Variants in PRKAG3 observed in about 807,000 individuals in gnomAD.
PRKAG3 encodes the protein protein kinase AMP-activated non-catalytic subunit gamma 3.
In PRKAG3, 39 loss-of-function variants were observed where a neutral mutation model predicts 56.5. The ratio of observed to expected loss-of-function variants is 0.69; its 90% confidence interval spans 0.53 to 0.90. The LOEUF is 0.90. Among genes scored for constraint, PRKAG3 ranks in the 40% least tolerant of loss-of-function variants. The pLI is 0.00. For synonymous variants in PRKAG3, 243 were observed against 250.1 expected, an observed-to-expected ratio of 0.97 and a Z score of 0.27; for missense variants, 628 against 627.5, an observed-to-expected ratio of 1.00 and a Z score of -0.01.
In PRKAG3 at chr2:218,831,394, C is replaced by T. The variant is rs1369778433; in HGVS notation, c.34-19G>A. On this transcript the variant is annotated intron_variant, in intron 1 of 12. Transcript: ENST00000529249. ...AAGGGGTCTGTGGGGAGAAGAGTTTCTGAAGGAGTGGGGAAAGTGCCTTAC... is the reference window on the plus strand; with the variant it reads ...AAGGGGTCTGTGGGGAGAAGAGTTTTTGAAGGAGTGGGGAAAGTGCCTTAC... The T allele has an allele frequency of 1.9e-6, 3 of 1,593,208 alleles. No individual in the cohort carries two copies. The highest frequency in any genetic ancestry group is 2.6e-6 in the Non-Finnish European group (3 of 1,169,680).
intron 2 of PRKAG3, 24 bp from the exon 3 acceptor site, chr2:218,830,925 T>G (rs1199078359): frequency 6.2e-7 from 1 of 1,611,648 alleles, no homozygotes. Flanking sequence ...GGGGCCTGTT[T>G]GGTTAATAGG....
chr2:218,830,378 G>T (rs1272141503), exon 4 of PRKAG3: 1 of 1,606,828 alleles, frequency 6.2e-7, no homozygotes. Context: ...CCTGGACCGG[G>T]GACCTGTTTG....
intron 2 of PRKAG3, 47 bp from the exon 3 acceptor site, chr2:218,830,948 A>T: frequency 6.3e-7 from 1 of 1,580,654 alleles, no homozygotes; most frequent in Non-Finnish European, 8.7e-7. Flanking sequence ...GTAATGCATC[A>T]AAATCAATTC....
In PRKAG3 at chr2:218,823,691, G is replaced by A. The variant is rs970363651; in HGVS notation, c.*71C>T. 1.5e-5 allele frequency: 24 copies of A among 1,608,242 alleles called. No individual in the cohort carries two copies. The South Asian group carries it at 2.6e-4, about 18-fold the overall frequency. ...CAAATGGGGGTGGGGGAAGATGAAG[G>A]CTGAGTTCTCCAGTTCCCTTCATTG... On this transcript the variant is annotated 3_prime_UTR_variant, in exon 13 of 13. Coordinates refer to ENST00000529249, the Ensembl canonical transcript of PRKAG3.
exon 6 of PRKAG3, chr2:218,828,033 C>A: frequency 6.4e-7 from 1 of 1,566,564 alleles, no homozygotes; most frequent in East Asian, 2.4e-5. Flanking sequence ...CGATGCAGCA[C>A]CAGGATGAAG....
intron 10 of PRKAG3, among the ~76,000 whole-genome samples, chr2:218,826,104 T>C (rs1052348964): frequency 6.6e-6 from 1 of 152,156 alleles, no homozygotes; most frequent in Non-Finnish European, 1.5e-5. Flanking sequence ...TGTTTAGGGG[T>C]GAAATGACAT....
intron 10 of PRKAG3, 137 bp from the exon 11 acceptor site, chr2:218,824,713 TC>T: frequency 1.3e-6 from 1 of 780,272 alleles, no homozygotes; most frequent in Non-Finnish European, 2.3e-6. Context: ...AAACTTAGCA[TC>T]CCAGAGTGAG....
rs993275342 is a variant in PRKAG3 at position 218,823,659 on chromosome 2, G to A, written c.*103C>T. 38 of 1,597,380 alleles carry A rather than the reference G, an allele frequency of 2.4e-5. 1 individual carries two copies. Among genetic ancestry groups the A allele is most frequent in the Non-Finnish European group, 3.1e-5 (37 of 1,176,430 alleles). On this transcript the variant is annotated 3_prime_UTR_variant, in exon 13 of 13. Transcript: ENST00000529249. ...GGCAGAGCCTACCTGAATCATAGCT[G>A]AACCAGCAAATGGGGGTGGGGGAAG...
rs201053638 is a variant in PRKAG3 at position 218,824,201 on chromosome 2, T to C, written c.1353+21A>G. On this transcript the variant is annotated intron_variant, in intron 12 of 12. Transcript: ENST00000529249. Reference sequence around the variant, plus strand: ...GACTGGGCTATATGTGTTGGGGGCATGAATGGAGGGCACACGGTACCTGCT... The same window carrying C: ...GACTGGGCTATATGTGTTGGGGGCACGAATGGAGGGCACACGGTACCTGCT... 78 of 1,613,968 alleles carry C rather than the reference T, an allele frequency of 4.8e-5. 1 individual carries two copies. The East Asian group carries it at 1.7e-3, about 36-fold the overall frequency.
At chr2:218,828,475 C>A in intron 5 of PRKAG3, 44 bp downstream of exon 5, 1 of 1,550,698 alleles carries the variant, frequency 6.4e-7, no homozygotes, top group East Asian at 2.3e-5. Context: ...AAGATCTCCC[C>A]CTCACCTCCT....
intron 2 of PRKAG3, 131 bp downstream of exon 2, chr2:218,831,205 G>A: frequency 1.3e-6 from 1 of 760,304 alleles, no homozygotes; most frequent in Non-Finnish European, 2.1e-6. Context: ...AAAGGAGGAA[G>A]AACAATGAGG....
chr2:218,823,834 G>T (rs781471980), exon 13 of PRKAG3: 2 of 1,614,102 alleles, frequency 1.2e-6, no homozygotes, highest in East Asian at 2.2e-5. Flanking sequence ...GGGAGACCAC[G>T]CCCAAGAGAT....
intron 12 of PRKAG3, 115 bp downstream of exon 12, chr2:218,824,107 T>A (rs1943892612): frequency 6.5e-7 from 1 of 1,531,014 alleles, no homozygotes; most frequent in Admixed American, 1.8e-5. Flanking sequence ...GCACCAGGAG[T>A]TGGTCATGAA....
intron 4 of PRKAG3, 42 bp from the exon 5 acceptor site, chr2:218,828,642 A>G (rs1032456365): frequency 6.5e-7 from 1 of 1,549,858 alleles, no homozygotes; most frequent in Non-Finnish European, 8.8e-7. Context: ...GTCCCGAGAG[A>G]CCCTCACCCC....
In PRKAG3 at chr2:218,827,077, C is replaced by T. The variant is rs551272603; in HGVS notation, c.1019G>A (p.Arg340Gln). 24 of 1,613,378 alleles carry T rather than the reference C, an allele frequency of 1.5e-5. 1 individual carries two copies. In the East Asian group the frequency reaches 1.8e-4, roughly 12 times the overall value. Residue 340 changes from arginine to glutamine, a missense_variant, in exon 10 of 13, where the codon CGG becomes CAG. Transcript: ENST00000529249. This position sits in a 1 kb window ranked among gnomAD's most constrained non-coding sequence, Gnocchi z 5.3. ...GATAGTGCGGTAGAGGAAGGAGGGC[C>T]GGGGCAGCAGGGAACCCTGGTTAGG...
At position 218,830,388 on chromosome 2, in the gene PRKAG3, G is replaced by A. The variant is rs752182941; in HGVS notation, c.230-7C>T. On this transcript the variant is annotated splice_polypyrimidine_tract_variant and splice_region_variant and intron_variant, in intron 3 of 12. Coordinates refer to ENST00000529249, the Ensembl canonical transcript of PRKAG3. The stretch of plus-strand genomic sequence containing the variant: ...GCTGGCCTGGACCGGGGACCTGTTT[G>A]GGGGAGGAGGGGAAGAGGACAGTAA... 6.2e-7 allele frequency: 1 copy of A among 1,604,556 alleles called. No individual in the cohort carries two copies. The highest frequency in any genetic ancestry group is 8.5e-7 in the Non-Finnish European group (1 of 1,173,898).
At position 218,824,353 on chromosome 2, in the gene PRKAG3, GC is replaced by G; in HGVS notation, c.1221del (p.Gln407HisfsTer9). 6.2e-7 allele frequency: 1 copy of G among 1,614,080 alleles called. No homozygotes were observed. Among genetic ancestry groups the G allele is most frequent in the Non-Finnish European group, 8.5e-7 (1 of 1,180,002 alleles). On this transcript the variant is annotated frameshift_variant, in exon 12 of 13. Coordinates refer to ENST00000529249, the Ensembl canonical transcript of PRKAG3. LOFTEE classifies it high-confidence loss of function. The stretch of plus-strand genomic sequence containing the variant: ...CTCATGTCCAGGTGGTTGTAGGTTT[GC>G]TGGGCAGCCAGGTGCTGGGGCAGAG...
In PRKAG3 at chr2:218,827,734, T is replaced by A; in HGVS notation, c.820+99A>T. 3 of 1,559,388 alleles carry A rather than the reference T, an allele frequency of 1.9e-6. No individual in the cohort carries two copies. The highest frequency in any genetic ancestry group is 2.7e-6 in the Non-Finnish European group (3 of 1,130,870). ...AGGCACCCGAGGCTCCTATTGTCCC[T>A]CCCCTGTTCACTCCAGGACATCCCC... On this transcript the variant is annotated intron_variant, in intron 7 of 12. Coordinates refer to ENST00000529249, the Ensembl canonical transcript of PRKAG3. The surrounding 1 kb of genome is among the most constrained non-coding windows in gnomAD (Gnocchi z 5.3).
intron 12 of PRKAG3, 47 bp downstream of exon 12, chr2:218,824,175 G>A (rs1289628812): frequency 1.2e-6 from 2 of 1,613,850 alleles, no homozygotes; most frequent in Non-Finnish European, 1.7e-6. Context: ...TGCATGAGAA[G>A]GACTGGGCTA....
Sources: gnomAD v4.1 joint callset for allele counts (sites outside exome capture counted in the v4.1 genomes callset) on GRCh38, gnomAD v4.1.1 for gene constraint, Gnocchi (gnomAD v3.1) non-coding constraint, MANE v1.5 for transcripts, NCBI Gene and HGNC (gene_info 2026-07-23, HGNC 2026-07-21) for gene names.